The following NPAS3 variants were observed in gnomAD, a reference collection of about 807,000 sequenced individuals.
The protein encoded by NPAS3 is neuronal PAS domain protein 3.
NPAS3 carries 14 observed loss-of-function variants against 73.1 expected under a neutral mutation model. The ratio of observed to expected loss-of-function variants is 0.19; its 90% confidence interval spans 0.13 to 0.30. The LOEUF is 0.30. NPAS3 is among the 10% of genes least tolerant of loss of function. The pLI is 1.00. For missense variants in NPAS3, 1,096 were observed against 1,250.0 expected (o/e 0.88, Z 1.86); for synonymous variants, 620 against 541.5 (o/e 1.14, Z -2.01).
At chr14:32,989,561 G>T (rs1193349094) in intron 1 of NPAS3, among the ~76,000 whole-genome samples, 2 of 151,688 alleles carry the variant, frequency 1.3e-5, no homozygotes, top group South Asian at 4.2e-4. Context: ...GGAGAATGGC[G>T]TGAACCCCAG....
At chr14:33,724,404 C>CACCT (rs1238400977) in intron 6 of NPAS3, among the ~76,000 whole-genome samples, 2 of 152,164 alleles carry the variant, frequency 1.3e-5, no homozygotes, top group Non-Finnish European at 1.5e-5. Flanking sequence ...GAGACCAAGG[C>CACCT]AGGTGGATCC....
At chr14:33,150,179 T>A (rs1224926968) in intron 2 of NPAS3, among the ~76,000 whole-genome samples, 1 of 152,198 alleles carries the variant, frequency 6.6e-6, no homozygotes, top group Non-Finnish European at 1.5e-5. Flanking sequence ...CTTTACCCAG[T>A]CTATCATTAT....
At chr14:33,631,644 C>T (rs1018761903) in intron 5 of NPAS3, among the ~76,000 whole-genome samples, 1 of 152,216 alleles carries the variant, frequency 6.6e-6, no homozygotes, top group Non-Finnish European at 1.5e-5. Flanking sequence ...TATAGACTCT[C>T]TTTGGCGGTG....
chr14:33,489,674 G>A (rs907183568), intron 4 of NPAS3, among the ~76,000 whole-genome samples: 3 of 152,240 alleles, frequency 2.0e-5, no homozygotes, highest in African/African-American at 2.4e-5. Flanking sequence ...ACAATATTTT[G>A]TGCTACATTT....
At chr14:33,681,606 A>G (rs1001844802) in intron 6 of NPAS3, among the ~76,000 whole-genome samples, 6 of 152,202 alleles carry the variant, frequency 3.9e-5, no homozygotes, top group Non-Finnish European at 5.9e-5. Flanking sequence ...TTTATTGCCA[A>G]TATATCTACA....
intron 5 of NPAS3, among the ~76,000 whole-genome samples, chr14:33,569,406 A>G (rs1204373094): frequency 1.3e-5 from 2 of 152,174 alleles, no homozygotes; most frequent in Non-Finnish European, 2.9e-5. Flanking sequence ...CCTGTGGGCC[A>G]TGTGTGGGTT....
intron 4 of NPAS3, among the ~76,000 whole-genome samples, chr14:33,378,582 G>T (rs1249808854): frequency 2.6e-5 from 4 of 152,138 alleles, no homozygotes; most frequent in Non-Finnish European, 5.9e-5. Context: ...ACTGCAGTGA[G>T]CCAGGAGCGT....
At chr14:33,047,955 C>A (rs527955838) in intron 1 of NPAS3, among the ~76,000 whole-genome samples, 1 of 152,150 alleles carries the variant, frequency 6.6e-6, no homozygotes, top group African/African-American at 2.4e-5. Context: ...TTTATGAAAT[C>A]TGAATAATTT....
chr14:33,113,704 A>G (rs1003539853), intron 2 of NPAS3, among the ~76,000 whole-genome samples: 12 of 152,064 alleles, frequency 7.9e-5, no homozygotes, highest in South Asian at 4.2e-4. Flanking sequence ...CCAACACTAT[A>G]TTGAATAGGA....
chr14:33,293,869 T>C (rs2140120968), intron 3 of NPAS3, among the ~76,000 whole-genome samples: 1 of 152,250 alleles, frequency 6.6e-6, no homozygotes, highest in East Asian at 1.9e-4. Context: ...AAACAGACAT[T>C]TGTCAGTAAT....
intron 5 of NPAS3, among the ~76,000 whole-genome samples, chr14:33,589,655 T>C (rs1007577819): frequency 6.6e-6 from 1 of 152,162 alleles, no homozygotes; most frequent in Non-Finnish European, 1.5e-5. Context: ...AAGTTTTTTA[T>C]TGTTGTTTTC....
intron 4 of NPAS3, among the ~76,000 whole-genome samples, chr14:33,368,275 T>A (rs2045929415): frequency 6.6e-6 from 1 of 150,848 alleles, no homozygotes. Flanking sequence ...ATCTTTTAAG[T>A]ATGTGCATTA....
intron 7 of NPAS3, among the ~76,000 whole-genome samples, chr14:33,738,439 A>C (rs541937989): frequency 2.2e-3 from 340 of 152,256 alleles, no homozygotes; most frequent in African/African-American, 7.7e-3. Context: ...TCTGGGGCTC[A>C]CCGTATCCCA....
At chr14:33,109,774 C>A (rs2042830294) in intron 2 of NPAS3, among the ~76,000 whole-genome samples, 1 of 146,846 alleles carries the variant, frequency 6.8e-6, no homozygotes, top group South Asian at 2.2e-4. Flanking sequence ...TGTATACAGC[C>A]TTATACACGT....
chr14:33,218,152 G>A (rs995043521), intron 3 of NPAS3, among the ~76,000 whole-genome samples: 3 of 152,150 alleles, frequency 2.0e-5, no homozygotes, highest in Non-Finnish European at 2.9e-5. Context: ...GAAGATGCAT[G>A]TTTAGAAACC....
rs962008541 is a variant in NPAS3 at position 33,008,297 on chromosome 14, G to A, written c.51-47608G>A. ...AAATTTATCCCCAGCACTATTTCTTGAGGGATAAAAAAGCAAGTTATAGAG... is the reference window on the plus strand; with the variant it reads ...AAATTTATCCCCAGCACTATTTCTTAAGGGATAAAAAAGCAAGTTATAGAG... On this transcript the variant is annotated intron_variant, in intron 1 of 11. Transcript: ENST00000356141. Among the ~76,000 whole-genome samples the A allele has an allele frequency of 2.6e-5, 4 of 152,126 alleles. No homozygotes were observed. In the South Asian group the frequency reaches 6.2e-4, roughly 24 times the overall value.
At chr14:33,356,027 G>T (rs2045323526) in intron 3 of NPAS3, among the ~76,000 whole-genome samples, 1 of 152,198 alleles carries the variant, frequency 6.6e-6, no homozygotes, top group Non-Finnish European at 1.5e-5. Context: ...GGCCCTCAAT[G>T]AATCTTTAGA....
chr14:32,962,569 CTT>C (rs71432096), intron 1 of NPAS3, among the ~76,000 whole-genome samples: 9 of 110,646 alleles, frequency 8.1e-5, no homozygotes, highest in African/African-American at 2.9e-4. Context: ...TTTTTCTTTT[CTT>C]TTTTTTTTTT....
At chr14:33,387,089 A>G (rs1421362833) in intron 4 of NPAS3, among the ~76,000 whole-genome samples, 1 of 152,200 alleles carries the variant, frequency 6.6e-6, no homozygotes, top group Non-Finnish European at 1.5e-5. Flanking sequence ...CAGGACTTTA[A>G]GTCACCTACC....
Sources: allele counts gnomAD v4.1 joint callset (sites outside exome capture counted in the v4.1 genomes callset), GRCh38; gene constraint gnomAD v4.1.1; transcripts MANE v1.5; gene names NCBI Gene and HGNC (gene_info 2026-07-23, HGNC 2026-07-21).